The following FIZ1 variants were observed in gnomAD, a reference collection of about 807,000 sequenced individuals.
FIZ1 encodes the protein FLT3 interacting zinc finger 1.
Under a neutral mutation model 5.3 loss-of-function variants are expected in FIZ1, and 2 were observed. The observed-to-expected ratio is 0.37, with a 90% CI of 0.15 to 1.18. The LOEUF is 1.18. FIZ1 is among the 50% of genes most tolerant of loss of function. The pLI is 0.37. For missense variants in FIZ1, 631 were observed against 749.7 expected, an observed-to-expected ratio of 0.84 and a Z score of 1.85; for synonymous variants, 407 against 364.2, an observed-to-expected ratio of 1.12 and a Z score of -1.34.
chr19:55,594,684 G>A (rs540056541), intron 2 of FIZ1, among the ~76,000 whole-genome samples: 46 of 122,534 alleles, frequency 3.8e-4, no homozygotes, highest in Middle Eastern at 6.0e-3. Flanking sequence ...GCGACAGAGC[G>A]AGACTCTGTC....
Position 55,593,397 on chromosome 19 carries a change from C to G in FIZ1, c.544G>C (p.Gly182Arg), listed in dbSNP as rs1352189540. 13 of 1,436,244 alleles carry G rather than the reference C, an allele frequency of 9.1e-6. No homozygotes were observed. Among genetic ancestry groups the G allele is most frequent in the African/African-American group, 1.5e-5 (1 of 66,320 alleles). The allele number at this position is 1,436,244 out of a possible 1,614,324, so 89.0% of individuals were successfully genotyped here. ...EGPEGAGAGLGSWGLAEAAAA... is the reference protein window; with the variant it reads ...EGPEGAGAGLRSWGLAEAAAA... ...GCCGCCTCTGCCAGCCCCCAGCTGCCCAGACCCGCGCCTGCCCCCTCGGGG... is the reference window on the plus strand; with the variant it reads ...GCCGCCTCTGCCAGCCCCCAGCTGCGCAGACCCGCGCCTGCCCCCTCGGGG... The change falls in exon 3 of 3, where the codon GGC becomes CGC. Residue 182 changes from glycine (G) to arginine (R), a missense_variant. Gly to Arg is a moderately radical substitution (Grantham distance 125). Around this residue, in one of 4 missense-constraint regions of FIZ1, gnomAD observed 463 missense variants for 455.1 expected, o/e 1.02. Transcript: ENST00000221665. This position sits in a 1 kb window ranked among gnomAD's most constrained non-coding sequence, Gnocchi z 6.3.
chr19:55,593,153 C>G lies in FIZ1; in HGVS notation c.788G>C (p.Trp263Ser). 1 of 1,172,610 alleles carries G rather than the reference C, an allele frequency of 8.5e-7. No individual in the cohort carries two copies. The highest frequency in any genetic ancestry group is 1.1e-6 in the Non-Finnish European group (1 of 946,696). 72.6% of individuals were successfully genotyped at this position (1,172,610 alleles called of 1,614,324 possible). ...QGPGAPPAQA[W>S]AAGPGAGPET... ...GGGCCCTGCGCCTGGCCCCGCGGCC[C>G]AGGCCTGCGCTGGGGGCGCGCCCGG... The change falls in exon 3 of 3, where the codon TGG becomes TCG. Residue 263 changes from tryptophan to serine, a missense_variant. By Grantham distance (177) the Trp-to-Ser change is radical (BLOSUM62 -3). Coordinates refer to ENST00000221665, the MANE Select transcript of FIZ1 (RefSeq NM_032836.3). This position sits in a 1 kb window ranked among gnomAD's most constrained non-coding sequence, Gnocchi z 6.3.
Position 55,592,805 on chromosome 19 carries a change from A to T in FIZ1, c.1136T>A (p.Val379Asp), listed in dbSNP as rs930803401. 1 of 1,576,960 alleles carries T rather than the reference A, an allele frequency of 6.3e-7. No homozygotes were observed. Among genetic ancestry groups the T allele is most frequent in the Non-Finnish European group, 8.6e-7 (1 of 1,167,018 alleles). ...ALAALEEHRR[V>D]SHGEGGGEEA... ...CTCCCCGCCGCCCTCACCGTGGCTG[A>T]CCCGCCGGTGCTCCTCCAAGGCGGC... Residue 379 changes from valine (V) to aspartate (D), a missense_variant, in exon 3 of 3, where the codon GTC (valine) becomes GAC (aspartate). Val to Asp is a radical substitution (Grantham distance 152). This residue lies in a region of FIZ1 where 463 missense variants were observed against 455.1 expected (regional missense o/e 1.02). Coordinates refer to ENST00000221665, the MANE Select transcript of FIZ1 (RefSeq NM_032836.3). This position sits in a 1 kb window ranked among gnomAD's most constrained non-coding sequence, Gnocchi z 6.9.
Position 55,593,158 on chromosome 19 carries a change from C to T in FIZ1, c.783G>A (p.Gln261=), listed in dbSNP as rs10403432. The change falls in exon 3 of 3, where the codon CAG becomes CAA. Residue 261 remains glutamine (Q), a synonymous_variant. Transcript: ENST00000221665. The surrounding 1 kb of genome is among the most constrained non-coding windows in gnomAD (Gnocchi z 6.3). ...DLQGPGAPPA[Q]AWAAGPGAGP... is the part of the protein sequence containing the mutation. ...CTGCGCCTGGCCCCGCGGCCCAGGCCTGCGCTGGGGGCGCGCCCGGGCCCT... is the reference window on the plus strand; with the variant it reads ...CTGCGCCTGGCCCCGCGGCCCAGGCTTGCGCTGGGGGCGCGCCCGGGCCCT... The T allele has an allele frequency of 0.34, 397,705 of 1,176,252 alleles. 68,317 individuals carry two copies. Among genetic ancestry groups the T allele is most frequent in the Non-Finnish European group, 0.36 (337,072 of 948,628 alleles). 72.9% of individuals were successfully genotyped at this position (1,176,252 alleles called of 1,614,324 possible).
intron 2 of FIZ1, 109 bp downstream of exon 2, chr19:55,597,463 G>A (rs1980381296): frequency 1.4e-6 from 2 of 1,444,610 alleles, no homozygotes; most frequent in Admixed American, 5.4e-5. Flanking sequence ...GAGGAGGCGG[G>A]CGCCTAGGCC....
At chr19:55,594,645 C>T (rs1257447272) in intron 2 of FIZ1, among the ~76,000 whole-genome samples, 4 of 138,436 alleles carry the variant, frequency 2.9e-5, no homozygotes. Context: ...TGCAGTGAGC[C>T]GAGATCGCGC....
At position 55,593,581 on chromosome 19, in the gene FIZ1, G is replaced by T; in HGVS notation, c.360C>A (p.Ser120=). Residue 120 remains serine (S), a synonymous_variant, in exon 3 of 3, where the codon TCC becomes TCA. Transcript: ENST00000221665. This position sits in a 1 kb window ranked among gnomAD's most constrained non-coding sequence, Gnocchi z 6.3. ...LVCELRFSSR[S]SLGRHLKRQH... is the part of the protein sequence containing the mutation. ...GGCGCTTGAGGTGGCGGCCCAGGCT[G>T]GAGCGTGAGGAGAAGCGGAGCTCGC... The T allele has an allele frequency of 6.4e-7, 1 of 1,551,398 alleles. No individual in the cohort carries two copies.
At chr19:55,596,998 C>T (rs1980358781) in intron 2 of FIZ1, among the ~76,000 whole-genome samples, 1 of 152,124 alleles carries the variant, frequency 6.6e-6, no homozygotes, top group South Asian at 2.1e-4. Context: ...TAAAATTTCC[C>T]TCCTATCTTT....
Position 55,597,669 on chromosome 19 carries a change from A to G in FIZ1, c.197T>C (p.Leu66Pro). 6.2e-7 allele frequency: 1 copy of G among 1,613,976 alleles called. No individual in the cohort carries two copies. Among genetic ancestry groups the G allele is most frequent in the Non-Finnish European group, 8.5e-7 (1 of 1,179,904 alleles). ...GGTGTGCGAGCGCAGGTGGTTGGCT[A>G]GGTTGAAGCTGTGCTTGAAACCCTT... ...CGKGFKHSFN[L>P]ANHLRSHTGE... is the part of the protein sequence containing the mutation. Residue 66 changes from leucine (L) to proline (P), a missense_variant, in exon 2 of 3, where the codon CTA becomes CCA. This residue lies in a region of FIZ1 where 68 missense variants were observed against 163.4 expected (regional missense o/e 0.42). Coordinates refer to ENST00000221665, the MANE Select transcript of FIZ1 (RefSeq NM_032836.3).
Position 55,592,882 on chromosome 19 carries a change from C to T in FIZ1, c.1059G>A (p.Ser353=), listed in dbSNP as rs1271855740. 5 of 1,535,758 alleles carry T rather than the reference C, an allele frequency of 3.3e-6. No individual in the cohort carries two copies. The highest frequency in any genetic ancestry group is 4.4e-6 in the Non-Finnish European group (5 of 1,147,286). ...AALASHLEAH[S]GPATYGCGHC... ...GGCCGCAGCCGTAGGTGGCCGGGCC[C>T]GAGTGGGCCTCCAGGTGACTGGCCA... The change falls in exon 3 of 3, where the codon TCG becomes TCA. Residue 353 remains serine, a synonymous_variant. Transcript: ENST00000221665. The surrounding 1 kb of genome is among the most constrained non-coding windows in gnomAD (Gnocchi z 6.9).
chr19:55,592,339 C>T lies in FIZ1; in HGVS notation c.*111G>A, dbSNP rs1022791281. On this transcript the variant is annotated 3_prime_UTR_variant, in exon 3 of 3. Transcript: ENST00000221665. This position sits in a 1 kb window ranked among gnomAD's most constrained non-coding sequence, Gnocchi z 6.9. ...CAGGGTCCCCTCATTTCAGGGCCTG[C>T]GTCTGGATTTGGATTTGGAGGGCCG... is the stretch of plus-strand genomic sequence containing the variant. 24 of 1,124,914 alleles carry T rather than the reference C, an allele frequency of 2.1e-5. No homozygotes were observed. The highest frequency in any genetic ancestry group is 9.8e-6 in the Non-Finnish European group (8 of 818,030). The allele number at this position is 1,124,914 out of a possible 1,614,324, so 69.7% of individuals were successfully genotyped here.
chr19:55,592,748 GGTTCC>G lies in FIZ1; in HGVS notation c.1188_1192del (p.Arg396SerfsTer127). ...GCCAGACGGGGGTTCCCCGGACGCC[GGTTCC>G]CTTTCCCGGGCGGCGGTCGCCGCCT... On this transcript the variant is annotated frameshift_variant, in exon 3 of 3. Coordinates refer to ENST00000221665, the MANE Select transcript of FIZ1 (RefSeq NM_032836.3). LOFTEE classifies it low-confidence loss of function (END_TRUNC). This position sits in a 1 kb window ranked among gnomAD's most constrained non-coding sequence, Gnocchi z 6.9. The G allele has an allele frequency of 6.2e-7, 1 of 1,609,696 alleles. No homozygotes were observed. The highest frequency in any genetic ancestry group is 8.5e-7 in the Non-Finnish European group (1 of 1,178,862).
Position 55,593,303 on chromosome 19 carries a change from C to T in FIZ1, c.638G>A (p.Arg213His), listed in dbSNP as rs2123551572. 8.0e-7 allele frequency: 1 copy of T among 1,252,358 alleles called. No individual in the cohort carries two copies. Among genetic ancestry groups the T allele is most frequent in the Non-Finnish European group, 1.0e-6 (1 of 992,570 alleles). 77.6% of individuals were successfully genotyped at this position (1,252,358 alleles called of 1,614,324 possible). The change falls in exon 3 of 3, where the codon CGC (arginine) becomes CAC (histidine). Residue 213 changes from arginine to histidine, a missense_variant. Physicochemically the swap from Arg to His is conservative, Grantham distance 29. Coordinates refer to ENST00000221665, the MANE Select transcript of FIZ1 (RefSeq NM_032836.3). The surrounding 1 kb of genome is among the most constrained non-coding windows in gnomAD (Gnocchi z 6.3). Reference protein sequence around the residue: ...GACARRFDHGRELAAHWAAHT... With the variant: ...GACARRFDHGHELAAHWAAHT... ...CGCCGCCCAGTGGGCCGCCAGCTCG[C>T]GGCCGTGGTCGAAGCGCCGCGCGCA...
rs2123550065 is a variant in FIZ1 at position 55,593,077 on chromosome 19, A to C, written c.864T>G (p.Ala288=). 7.4e-7 allele frequency: 1 copy of C among 1,346,190 alleles called. No homozygotes were observed. The highest frequency in any genetic ancestry group is 3.4e-5 in the East Asian group (1 of 29,080). 83.4% of individuals were successfully genotyped at this position (1,346,190 alleles called of 1,614,324 possible). A position where few individuals can be genotyped will look rare whatever the true frequency, so the allele number is the denominator to read the frequency against. ...TAAEAGDAPL[A]SDRRLLLGPA... is the part of the protein sequence containing the mutation. ...GGCCCAGGAGCAGCCTGCGGTCCGA[A>C]GCCAGAGGAGCGTCGCCCGCCTCCG... The change falls in exon 3 of 3, where the codon GCT becomes GCG. Residue 288 remains alanine (A), a synonymous_variant. Transcript: ENST00000221665. The surrounding 1 kb of genome is among the most constrained non-coding windows in gnomAD (Gnocchi z 6.3).
rs145704969 is a variant in FIZ1, at chr19:55,597,611, G to C, written c.255C>G (p.Pro85=). 7.8e-5 allele frequency: 126 copies of C among 1,613,222 alleles called. No individual in the cohort carries two copies. The African/African-American group carries it at 1.3e-3, about 17-fold the overall frequency. ...GERPYRCSAC[P]KGFRDSTGLL... is the part of the protein sequence containing the mutation. Reference sequence around the variant, plus strand: ...GGCCGGTGGAGTCGCGGAACCCCTTGGGGCAGGCAGAGCAGCGGTAGGGCC... The same window carrying C: ...GGCCGGTGGAGTCGCGGAACCCCTTCGGGCAGGCAGAGCAGCGGTAGGGCC... The change falls in exon 2 of 3, where the codon CCC becomes CCG. Residue 85 remains proline (P), a synonymous_variant. Transcript: ENST00000221665.
chr19:55,592,439 C>G lies in FIZ1; in HGVS notation c.*11G>C. The G allele has an allele frequency of 6.5e-7, 1 of 1,542,836 alleles. No individual in the cohort carries two copies. Among genetic ancestry groups the G allele is most frequent in the Non-Finnish European group, 8.8e-7 (1 of 1,141,304 alleles). ...GGCTGGGTGGAGGGCAGGGCGCACGCAGCCTGGCAGTCAGTCCATGCCCCG... is the reference window on the plus strand; with the variant it reads ...GGCTGGGTGGAGGGCAGGGCGCACGGAGCCTGGCAGTCAGTCCATGCCCCG... On this transcript the variant is annotated 3_prime_UTR_variant, in exon 3 of 3. Transcript: ENST00000221665. The surrounding 1 kb of genome is among the most constrained non-coding windows in gnomAD (Gnocchi z 6.9).
chr19:55,592,535 G>A lies in FIZ1; in HGVS notation c.1406C>T (p.Pro469Leu). The change falls in exon 3 of 3, where the codon CCC (proline) becomes CTC (leucine). Residue 469 changes from proline to leucine, a missense_variant. Pro to Leu is a moderately conservative substitution (Grantham distance 98). Transcript: ENST00000221665. The surrounding 1 kb of genome is among the most constrained non-coding windows in gnomAD (Gnocchi z 6.9). ...CTTGCCGCAGATGTGGCAAGGGAAGGGCCGCTCGGTGCCGTGCAGCAGCCG... is the reference window on the plus strand; with the variant it reads ...CTTGCCGCAGATGTGGCAAGGGAAGAGCCGCTCGGTGCCGTGCAGCAGCCG... ...RHRLLHGTER[P>L]FPCHICGKGF... The A allele has an allele frequency of 6.2e-7, 1 of 1,607,424 alleles. No individual in the cohort carries two copies. The highest frequency in any genetic ancestry group is 1.1e-5 in the South Asian group (1 of 90,198).
chr19:55,597,499 G>C (rs1168317262), intron 2 of FIZ1, 73 bp downstream of exon 2: 1 of 1,523,876 alleles, frequency 6.6e-7, no homozygotes, highest in East Asian at 2.3e-5. Context: ...TTTGCCCAGA[G>C]TACAGTGGGG....
chr19:55,594,558 G>A (rs1454397564), intron 2 of FIZ1, among the ~76,000 whole-genome samples: 1 of 151,638 alleles, frequency 6.6e-6, no homozygotes, highest in Non-Finnish European at 1.5e-5. Flanking sequence ...TTAGCCGGGC[G>A]TGGTGGCGGG....
Sources: allele counts gnomAD v4.1 joint callset (sites outside exome capture counted in the v4.1 genomes callset), GRCh38; gene constraint gnomAD v4.1.1; regional missense constraint gnomAD v4.1.1; non-coding constraint Gnocchi (gnomAD v3.1); transcripts MANE v1.5; gene names NCBI Gene and HGNC (gene_info 2026-07-23, HGNC 2026-07-21).